Variants in HDAC9 observed in about 807,000 individuals in gnomAD.
The protein encoded by HDAC9 is MEF-2 interacting transcription repressor (MITR) protein.
Under a neutral mutation model 139.4 loss-of-function variants are expected in HDAC9, and 41 were observed. That is an observed-to-expected ratio of 0.29 (90% CI 0.23 to 0.38). The LOEUF is 0.38. HDAC9 is among the 10% of genes least tolerant of loss of function. HDAC9 has a pLI of 1.00. For synonymous variants in HDAC9, 517 were observed against 476.2 expected (o/e 1.09, Z -1.12); for missense variants, 1,147 against 1,297.0 (o/e 0.88, Z 1.78).
chr7:18,357,966 A>G (rs1321549036), intron 1 of HDAC9, among the ~76,000 whole-genome samples: 2 of 152,218 alleles, frequency 1.3e-5, no homozygotes, highest in African/African-American at 4.8e-5. Flanking sequence ...TGCTTTTGAT[A>G]GGATTATTCT....
Position 18,998,197 on chromosome 7 carries a change from T to C in HDAC9, c.*2135T>C, listed in dbSNP as rs1395374990. 1 of 148,796 alleles carries C rather than the reference T, an allele frequency of 6.7e-6. No homozygotes were observed. The highest frequency in any genetic ancestry group is 1.5e-5 in the Non-Finnish European group (1 of 67,738). 9.2% of individuals were successfully genotyped at this position (148,796 alleles called of 1,614,324 possible). A position where few individuals can be genotyped will look rare whatever the true frequency, so the allele number is the denominator to read the frequency against. ...TTAAAATCAACTTCATAATTATAAATCTCTGTCATTACTTTTTAGTCCTCC... is the reference window on the plus strand; with the variant it reads ...TTAAAATCAACTTCATAATTATAAACCTCTGTCATTACTTTTTAGTCCTCC... On this transcript the variant is annotated 3_prime_UTR_variant, in exon 26 of 26. Transcript: ENST00000686413.
At chr7:18,627,808 G>T (rs1349289888) in intron 6 of HDAC9, among the ~76,000 whole-genome samples, 1 of 151,892 alleles carries the variant, frequency 6.6e-6, no homozygotes, top group African/African-American at 2.4e-5. Context: ...CGGGCTTTTG[G>T]TTTTTTTATC....
At chr7:18,293,968 T>A (rs1267236026) in intron 1 of HDAC9, among the ~76,000 whole-genome samples, 1 of 152,182 alleles carries the variant, frequency 6.6e-6, no homozygotes, top group East Asian at 1.9e-4. Flanking sequence ...TCAATTTAAA[T>A]TTTAATAATA....
chr7:18,984,958 C>T (rs1283263475), intron 25 of HDAC9, among the ~76,000 whole-genome samples: 1 of 151,952 alleles, frequency 6.6e-6, no homozygotes, highest in Admixed American at 6.6e-5. Context: ...TTCTGCACAG[C>T]CTTGTGATAT....
intron 22 of HDAC9, among the ~76,000 whole-genome samples, chr7:18,902,819 A>G (rs1386311238): frequency 2.0e-5 from 3 of 152,248 alleles, no homozygotes; most frequent in African/African-American, 7.2e-5. Flanking sequence ...CACACTATTT[A>G]TAAGTGAAAT....
At chr7:18,148,949 G>A (rs1451027230) in intron 1 of HDAC9, among the ~76,000 whole-genome samples, 1 of 152,056 alleles carries the variant, frequency 6.6e-6, no homozygotes, top group Non-Finnish European at 1.5e-5. Flanking sequence ...GCAGGGGGAG[G>A]GTATTGTACC....
At chr7:18,772,500 T>G (rs1053232213) in intron 16 of HDAC9, among the ~76,000 whole-genome samples, 1 of 152,022 alleles carries the variant, frequency 6.6e-6, no homozygotes, top group Non-Finnish European at 1.5e-5. Flanking sequence ...AGCATCTGCT[T>G]CTCACATGCA....
intron 1 of HDAC9, among the ~76,000 whole-genome samples, chr7:18,391,632 A>G (rs117761968): frequency 0.039 from 5,903 of 152,316 alleles, 128 homozygotes; most frequent in Middle Eastern, 0.068. Context: ...ACACTTAGAA[A>G]TAATGAACTA....
chr7:18,345,678 G>T (rs1158470013), intron 1 of HDAC9, among the ~76,000 whole-genome samples: 2 of 151,866 alleles, frequency 1.3e-5, no homozygotes, highest in Non-Finnish European at 2.9e-5. Context: ...TTTCTCACAG[G>T]TGGATGAGAA....
At chr7:18,758,220 C>T (rs1442991097) in intron 14 of HDAC9, among the ~76,000 whole-genome samples, 1 of 152,158 alleles carries the variant, frequency 6.6e-6, no homozygotes, top group East Asian at 1.9e-4. Context: ...AAATCCATTC[C>T]TTATTTGCAT....
At chr7:18,495,485 G>A (rs1038602356), upstream of HDAC9, among the ~76,000 whole-genome samples, 2 of 152,074 alleles carry the variant, frequency 1.3e-5, no homozygotes, top group Non-Finnish European at 2.9e-5. Flanking sequence ...AGCAAGCTTC[G>A]AGAGAGGAAA....
intron 1 of HDAC9, among the ~76,000 whole-genome samples, chr7:18,116,223 T>C (rs1783971593): frequency 6.6e-6 from 1 of 152,162 alleles, no homozygotes; most frequent in African/African-American, 2.4e-5. Flanking sequence ...GGTAATTGAA[T>C]TTTTGAGAAT....
At chr7:18,944,571 A>G (rs1191681958) in intron 23 of HDAC9, among the ~76,000 whole-genome samples, 1 of 152,132 alleles carries the variant, frequency 6.6e-6, no homozygotes, top group Non-Finnish European at 1.5e-5. Flanking sequence ...TGTAAAATAT[A>G]ACAATTATAC....
At chr7:18,409,326 A>G (rs1025422987) in intron 1 of HDAC9, among the ~76,000 whole-genome samples, 14 of 152,164 alleles carry the variant, frequency 9.2e-5, no homozygotes, top group Non-Finnish European at 2.1e-4. Flanking sequence ...TGTGTATTTC[A>G]TGTGCCTGTT....
intron 23 of HDAC9, 101 bp downstream of exon 23, chr7:18,936,043 A>T: frequency 9.0e-7 from 1 of 1,109,662 alleles, no homozygotes; most frequent in Non-Finnish European, 1.3e-6. Context: ...AGAAAGCTTA[A>T]CATTGCTCTT....
At chr7:18,299,064 G>A (rs995537698) in intron 1 of HDAC9, among the ~76,000 whole-genome samples, 27 of 152,188 alleles carry the variant, frequency 1.8e-4, no homozygotes, top group African/African-American at 6.5e-4. Context: ...TAAAAATTCA[G>A]TTTATTGTTG....
chr7:18,893,789 T>C (rs1446358353), intron 22 of HDAC9, among the ~76,000 whole-genome samples: 2 of 152,104 alleles, frequency 1.3e-5, no homozygotes, highest in Non-Finnish European at 2.9e-5. Flanking sequence ...TTTGTGATTT[T>C]TAAAAGGGTG....
intron 2 of HDAC9, among the ~76,000 whole-genome samples, chr7:18,268,026 A>C (rs189511765): frequency 6.7e-4 from 102 of 152,232 alleles, no homozygotes; most frequent in Non-Finnish European, 1.3e-3. Context: ...GACTTAACAC[A>C]ATCTTAATTG....
chr7:18,753,551 G>C (rs1348886807), intron 14 of HDAC9, among the ~76,000 whole-genome samples: 2 of 152,060 alleles, frequency 1.3e-5, no homozygotes, highest in Non-Finnish European at 2.9e-5. Context: ...CAACAGAGCA[G>C]TCAATTTTAC....
Sources: gnomAD v4.1 joint callset for allele counts (sites outside exome capture counted in the v4.1 genomes callset) on GRCh38, gnomAD v4.1.1 for gene constraint, MANE v1.5 for transcripts, NCBI Gene and HGNC (gene_info 2026-07-23, HGNC 2026-07-21) for gene names.